The following OGN variants were observed in gnomAD, a reference collection of about 807,000 sequenced individuals.
OGN encodes the protein mimecan.
OGN carries 19 observed loss-of-function variants against 30.8 expected under a neutral mutation model. The observed-to-expected ratio is 0.62, with a 90% confidence interval of 0.43 to 0.90. The LOEUF is 0.90. Ranked by LOEUF, OGN falls within the 40% of genes least tolerant of loss-of-function variation. The probability of loss-of-function intolerance (pLI) is 0.00; values close to 1 mark genes in which losing one functional copy is unlikely to be tolerated. For synonymous variants in OGN, 126 were observed against 128.3 expected (o/e 0.98, Z 0.12); for missense variants, 283 against 349.7 (o/e 0.81, Z 1.52).
At chr9:92,403,191 G>A in intron 2 of OGN, 43 bp downstream of exon 2, 4 of 1,324,002 alleles carry the variant, frequency 3.0e-6, no homozygotes, top group Non-Finnish European at 3.1e-6. Context: ...GCATTTAAAT[G>A]GGCAGTATTT....
Position 92,385,802 on chromosome 9 carries a change from C to T in OGN, c.727-12G>A, listed in dbSNP as rs2236529. 1.9e-5 allele frequency: 31 copies of T among 1,612,602 alleles called. No individual in the cohort carries two copies. Among genetic ancestry groups the T allele is most frequent in the Middle Eastern group, 1.6e-4 (1 of 6,080 alleles). On this transcript the variant is annotated splice_polypyrimidine_tract_variant and intron_variant, in intron 6 of 6. Coordinates refer to ENST00000375561, the MANE Select transcript of OGN (RefSeq NM_014057.5). Reference sequence around the variant, plus strand: ...GCTATGTTGTTGAACTGAAAAAAAACGAGGAAAACATTGTTCAGAAATCTG... The same window carrying T: ...GCTATGTTGTTGAACTGAAAAAAAATGAGGAAAACATTGTTCAGAAATCTG...
intron 4 of OGN, among the ~76,000 whole-genome samples, chr9:92,390,278 G>A (rs1842617407): frequency 6.6e-6 from 1 of 152,078 alleles, no homozygotes; most frequent in Non-Finnish European, 1.5e-5. Flanking sequence ...AGAATCTCAG[G>A]TTTGAAAGTG....
Position 92,386,204 on chromosome 9 carries a change from A to C in OGN, c.723T>G (p.Leu241=), listed in dbSNP as rs1176444647. The C allele has an allele frequency of 3.8e-6, 6 of 1,597,920 alleles. No homozygotes were observed. Among genetic ancestry groups the C allele is most frequent in the Non-Finnish European group, 5.1e-6 (6 of 1,165,474 alleles). The stretch of plus-strand genomic sequence containing the variant: ...ATTGTGAAAGGAACTATCATACCTG[A>C]AGATGAATTACACGTAGACTTTCTG... ...NLPESLRVIH[L]QFNNIASITD... Residue 241 remains leucine, a synonymous_variant, in exon 6 of 7, where the codon CTT becomes CTG. Coordinates refer to ENST00000375561, the MANE Select transcript of OGN (RefSeq NM_014057.5).
chr9:92,396,130 C>G (rs1382895642), intron 3 of OGN, among the ~76,000 whole-genome samples: 1 of 152,026 alleles, frequency 6.6e-6, no homozygotes, highest in East Asian at 1.9e-4. Flanking sequence ...TATTCTTTCC[C>G]CATTGAATTG....
intron 4 of OGN, 80 bp from the exon 5 acceptor site, chr9:92,390,136 A>G (rs1842612441): frequency 3.8e-6 from 3 of 789,876 alleles, no homozygotes; most frequent in South Asian, 3.5e-5. Flanking sequence ...TTTGTTTAAC[A>G]GATCACTCAA....
chr9:92,396,461 A>G (rs1842893908), intron 3 of OGN, among the ~76,000 whole-genome samples: 1 of 151,792 alleles, frequency 6.6e-6, no homozygotes, highest in African/African-American at 2.4e-5. Flanking sequence ...AATGATATTG[A>G]ATCTTCTAGA....
At chr9:92,390,424 A>AT (rs1842623621) in intron 4 of OGN, among the ~76,000 whole-genome samples, 2 of 151,914 alleles carry the variant, frequency 1.3e-5, no homozygotes, top group Admixed American at 6.6e-5. Context: ...AATTTTTTTT[A>AT]TTTTTTTGCT....
chr9:92,386,829 G>A (rs1407620843), intron 5 of OGN, among the ~76,000 whole-genome samples: 4 of 151,712 alleles, frequency 2.6e-5, no homozygotes, highest in African/African-American at 4.8e-5. Context: ...TGATCTGCCC[G>A]CCTCAGCCTC....
At position 92,385,520 on chromosome 9, in the gene OGN, A is replaced by G. The variant is rs773412571; in HGVS notation, c.*100T>C. On this transcript the variant is annotated 3_prime_UTR_variant, in exon 7 of 7. Coordinates refer to ENST00000375561, the MANE Select transcript of OGN (RefSeq NM_014057.5). ...ATATTAAATTCCTTCAAAATGAGAT[A>G]CAAGGTTAATATTAAACCAATACTT... is the stretch of plus-strand genomic sequence containing the variant. 9.6e-5 allele frequency: 95 copies of G among 987,542 alleles called. No individual in the cohort carries two copies. The highest frequency in any genetic ancestry group is 1.4e-4 in the Non-Finnish European group (93 of 664,318). 61.2% of individuals were successfully genotyped at this position (987,542 alleles called of 1,614,324 possible).
intron 4 of OGN, among the ~76,000 whole-genome samples, chr9:92,390,595 C>T (rs1055743084): frequency 9.2e-4 from 135 of 146,302 alleles, no homozygotes; most frequent in African/African-American, 3.0e-3. Flanking sequence ...TGTGCGCGCG[C>T]GCGTACTTGC....
chr9:92,403,599 G>A lies in OGN; in HGVS notation c.-75-117C>T, dbSNP rs181346547. 2.9e-5 allele frequency: 35 copies of A among 1,221,196 alleles called. No individual in the cohort carries two copies. The Admixed American group carries it at 1.5e-3, about 51-fold the overall frequency. The allele number at this position is 1,221,196 out of a possible 1,614,324, so 75.6% of individuals were successfully genotyped here. On this transcript the variant is annotated intron_variant, in intron 1 of 6. Coordinates refer to ENST00000375561, the MANE Select transcript of OGN (RefSeq NM_014057.5). ...TTTAACCCTTAGTGATCTTTAATTAGATGCTAGCAGTTTTTATGTATCAGT... is the reference window on the plus strand; with the variant it reads ...TTTAACCCTTAGTGATCTTTAATTAAATGCTAGCAGTTTTTATGTATCAGT...
Position 92,404,483 on chromosome 9 carries a change from A to G in OGN, c.-76+13T>C. The G allele has an allele frequency of 7.9e-7, 1 of 1,269,714 alleles. No homozygotes were observed. Among genetic ancestry groups the G allele is most frequent in the Non-Finnish European group, 1.0e-6 (1 of 976,238 alleles). 78.7% of individuals were successfully genotyped at this position (1,269,714 alleles called of 1,614,324 possible). ...AAACAATATTTAAAATAATATATGA[A>G]AAGTAAGCCTACCGTTGTAGCTGTT... On this transcript the variant is annotated intron_variant, in intron 1 of 6. Coordinates refer to ENST00000375561, the MANE Select transcript of OGN (RefSeq NM_014057.5).
intron 2 of OGN, 98 bp downstream of exon 2, chr9:92,403,136 C>T: frequency 7.0e-6 from 5 of 712,176 alleles, no homozygotes; most frequent in East Asian, 2.8e-5. Flanking sequence ...AGTGATTTTC[C>T]CTTCCCCTTA....
chr9:92,392,201 A>T (rs1344469810), intron 4 of OGN, among the ~76,000 whole-genome samples: 3 of 152,022 alleles, frequency 2.0e-5, no homozygotes, highest in African/African-American at 7.2e-5. Flanking sequence ...ATTAAATACC[A>T]CTGTTCTCAA....
intron 1 of OGN, chr9:92,403,804 T>C (rs1055473983): frequency 4.7e-5 from 21 of 442,360 alleles, no homozygotes; most frequent in South Asian, 9.8e-5. Flanking sequence ...CAAGATCCTG[T>C]CTCATGTGAG....
chr9:92,394,787 A>G (rs1842828369), intron 3 of OGN, among the ~76,000 whole-genome samples: 2 of 151,062 alleles, frequency 1.3e-5, no homozygotes, highest in African/African-American at 2.4e-5. Context: ...TTGTATTTTT[A>G]GTAGAGACTG....
At chr9:92,401,294 T>C (rs1361675366) in intron 2 of OGN, 109 bp from the exon 3 acceptor site, 1 of 593,414 alleles carries the variant, frequency 1.7e-6, no homozygotes, top group Non-Finnish European at 3.0e-6. Context: ...GGCATTTCCT[T>C]TGTGCTCCAT....
intron 2 of OGN, among the ~76,000 whole-genome samples, chr9:92,401,600 A>G (rs751413343): frequency 6.6e-6 from 1 of 152,184 alleles, no homozygotes. Context: ...GAGTAAGACT[A>G]GAGCTCCAGC....
At position 92,393,216 on chromosome 9, in the gene OGN, A is replaced by G; in HGVS notation, c.297T>C (p.Cys99=). Residue 99 remains cysteine, a synonymous_variant, in exon 4 of 7, where the codon TGT becomes TGC. Transcript: ENST00000375561. ...DEMPTCLLCV[C]LSGSVYCEEV... Reference sequence around the variant, plus strand: ...CTTCACAGTATACAGAGCCACTTAAACAAACACACAGCAGACACGTGGGCA... The same window carrying G: ...CTTCACAGTATACAGAGCCACTTAAGCAAACACACAGCAGACACGTGGGCA... 6.2e-7 allele frequency: 1 copy of G among 1,605,944 alleles called. No homozygotes were observed. The highest frequency in any genetic ancestry group is 8.5e-7 in the Non-Finnish European group (1 of 1,175,762).
Sources: gnomAD v4.1 joint callset for allele counts (sites outside exome capture counted in the v4.1 genomes callset) on GRCh38, gnomAD v4.1.1 for gene constraint, MANE v1.5 for transcripts, NCBI Gene and HGNC (gene_info 2026-07-23, HGNC 2026-07-21) for gene names.